FRK: variants seen among roughly 807,000 people sequenced by gnomAD.
FRK encodes tyrosine-protein kinase FRK.
A neutral mutation model predicts 56.4 loss-of-function variants in FRK; 51 were observed. That is an observed-to-expected ratio of 0.90 (90% CI 0.72 to 1.14). FRK has a LOEUF of 1.14. Ranked by LOEUF, FRK falls within the 50% of genes most tolerant of loss-of-function variation. FRK has a pLI of 0.00. For missense variants in FRK, 570 were observed against 601.4 expected (o/e 0.95, Z 0.55); for synonymous variants, 245 against 217.9 (o/e 1.12, Z -1.10).
intron 4 of FRK, among the ~76,000 whole-genome samples, chr6:115,966,198 A>C (rs1773569142): frequency 6.6e-6 from 1 of 152,168 alleles, no homozygotes; most frequent in African/African-American, 2.4e-5. Flanking sequence ...GTGCTTACTA[A>C]AGTGATATAT....
chr6:116,041,188 C>A (rs1044525586), intron 1 of FRK, among the ~76,000 whole-genome samples: 7 of 152,190 alleles, frequency 4.6e-5, no homozygotes, highest in Admixed American at 2.0e-4. Context: ...AAAACCAGTA[C>A]CTGTCTGTTT....
Position 115,936,791 on chromosome 6 carries a change from GAACT to G in FRK, c.*5619_*5622del, listed in dbSNP as rs1177957603. 6.6e-6 allele frequency: 1 copy of G among 152,098 alleles called. No individual in the cohort carries two copies. Among genetic ancestry groups the G allele is most frequent in the Non-Finnish European group, 1.5e-5 (1 of 68,012 alleles). The allele number at this position is 152,098 out of a possible 1,614,324, so 9.4% of individuals were successfully genotyped here. A position where few individuals can be genotyped will look rare whatever the true frequency, so the allele number is the denominator to read the frequency against. ...AGATTAGAGAAAAAAGAGTGAAAAG[GAACT>G]AACAAAGCCTCCAAGAAATATGGGA... On this transcript the variant is annotated 3_prime_UTR_variant, in exon 8 of 8. Transcript: ENST00000606080.
At chr6:116,056,198 T>C (rs1777391722) in intron 1 of FRK, among the ~76,000 whole-genome samples, 1 of 151,290 alleles carries the variant, frequency 6.6e-6, no homozygotes, top group Non-Finnish European at 1.5e-5. Context: ...ATTGTTCATT[T>C]GGTTTTTTTT....
chr6:116,039,172 A>G, intron 1 of FRK: 2 of 1,148,162 alleles, frequency 1.7e-6, no homozygotes, highest in Non-Finnish European at 2.6e-6. Context: ...CATCACTGAG[A>G]AGTTTGTTTT....
intron 4 of FRK, among the ~76,000 whole-genome samples, chr6:115,957,009 T>A (rs1255758707): frequency 1.3e-5 from 2 of 152,182 alleles, no homozygotes; most frequent in African/African-American, 4.8e-5. Context: ...ACCTGCCCTG[T>A]CCTTGGTGCC....
At chr6:115,973,728 G>A (rs1036810005) in intron 2 of FRK, among the ~76,000 whole-genome samples, 25 of 151,966 alleles carry the variant, frequency 1.6e-4, no homozygotes, top group East Asian at 9.7e-4. Flanking sequence ...AAAATTAGCC[G>A]GGTGTGTTGG....
chr6:115,981,282 A>G (rs1157951560), intron 2 of FRK, among the ~76,000 whole-genome samples: 2 of 152,068 alleles, frequency 1.3e-5, no homozygotes, highest in African/African-American at 2.4e-5. Flanking sequence ...AGAGAATATG[A>G]TATGTGAACT....
In FRK at chr6:116,060,269, A is replaced by G; in HGVS notation, c.43T>C (p.Tyr15His). The G allele has an allele frequency of 6.2e-7, 1 of 1,614,144 alleles. No individual in the cohort carries two copies. Among genetic ancestry groups the G allele is most frequent in the Non-Finnish European group, 8.5e-7 (1 of 1,180,002 alleles). Residue 15 changes from tyrosine (Y) to histidine (H), a missense_variant, in exon 1 of 8, where the codon TAT becomes CAT. By Grantham distance (83) the Tyr-to-His change is moderately conservative. Transcript: ENST00000606080. ...CQRLWEYLEP[Y>H]LPCLSTEADK... ...GCCTCCGTGGACAAACAGGGGAGAT[A>G]GGGTTCTAGGTACTCCCAGAGCCTC...
intron 1 of FRK, among the ~76,000 whole-genome samples, chr6:116,043,101 C>A (rs903782886): frequency 3.9e-5 from 6 of 152,180 alleles, no homozygotes; most frequent in Middle Eastern, 3.2e-3. Flanking sequence ...TTCTTAGAGA[C>A]CTACAAACAG....
At chr6:116,072,561 ACAC>A in the FRK span, among the ~76,000 whole-genome samples, 4 of 148,540 alleles carry the variant, frequency 2.7e-5, no homozygotes, top group Non-Finnish European at 4.5e-5. Flanking sequence ...ACACACACAC[ACAC>A]AAGATACCTT....
the FRK span, among the ~76,000 whole-genome samples, chr6:116,089,684 C>G: frequency 6.6e-6 from 1 of 152,130 alleles, no homozygotes; most frequent in Admixed American, 6.5e-5. Flanking sequence ...CTAATTTTCT[C>G]TTCTTATAAG....
chr6:116,062,243 G>T (rs751745709), upstream of FRK, among the ~76,000 whole-genome samples: 1 of 152,018 alleles, frequency 6.6e-6, no homozygotes, highest in Non-Finnish European at 1.5e-5. Flanking sequence ...TTTTGTTGTT[G>T]CTGTTGTTGT....
At chr6:116,062,905 T>A (rs2114846309), upstream of FRK, among the ~76,000 whole-genome samples, 1 of 152,188 alleles carries the variant, frequency 6.6e-6, no homozygotes, top group East Asian at 1.9e-4. Flanking sequence ...TTTTTAAAGC[T>A]CCTTCTGAGC....
chr6:115,968,247 C>G (rs973710568), intron 3 of FRK, among the ~76,000 whole-genome samples: 1 of 152,026 alleles, frequency 6.6e-6, no homozygotes. Flanking sequence ...TTTCTATAAA[C>G]AAAACAAGCA....
chr6:116,009,612 T>C (rs1775388432), intron 1 of FRK, among the ~76,000 whole-genome samples: 1 of 152,206 alleles, frequency 6.6e-6, no homozygotes, highest in African/African-American at 2.4e-5. Flanking sequence ...GAAAGATATC[T>C]TTATTAACAA....
At chr6:116,067,057 A>G in the FRK span, among the ~76,000 whole-genome samples, 2 of 152,140 alleles carry the variant, frequency 1.3e-5, no homozygotes, top group Non-Finnish European at 2.9e-5. Context: ...GTGAGCCCTA[A>G]TCCAGTATGA....
At chr6:116,022,994 A>C (rs1422405499) in intron 1 of FRK, among the ~76,000 whole-genome samples, 1 of 152,138 alleles carries the variant, frequency 6.6e-6, no homozygotes, top group Non-Finnish European at 1.5e-5. Context: ...AATGGGCAGA[A>C]GACTTAAAGA....
intron 1 of FRK, among the ~76,000 whole-genome samples, chr6:116,046,039 A>G (rs977433091): frequency 1.3e-5 from 2 of 152,264 alleles, no homozygotes; most frequent in African/African-American, 4.8e-5. Flanking sequence ...AACATATGAA[A>G]AAAAGCTCAT....
intron 1 of FRK, among the ~76,000 whole-genome samples, chr6:116,011,645 A>T (rs1163706684): frequency 6.6e-6 from 1 of 152,128 alleles, no homozygotes; most frequent in East Asian, 1.9e-4. Flanking sequence ...TAAAACACCT[A>T]TTGTCCTCAT....
Sources: allele counts gnomAD v4.1 joint callset (sites outside exome capture counted in the v4.1 genomes callset), GRCh38; gene constraint gnomAD v4.1.1; transcripts MANE v1.5; gene names NCBI Gene and HGNC (gene_info 2026-07-23, HGNC 2026-07-21).